The following DAD1 variants were observed in gnomAD, a reference collection of about 807,000 sequenced individuals.
DAD1 encodes defender against cell death 1.
DAD1 carries 4 observed loss-of-function variants against 9.0 expected under a neutral mutation model. The ratio of observed to expected loss-of-function variants is 0.44; its 90% confidence interval spans 0.22 to 1.01. The LOEUF is 1.01. Ranked by LOEUF, DAD1 falls within the 50% of genes least tolerant of loss-of-function variation. The pLI is 0.24. For synonymous variants in DAD1, 60 were observed against 62.5 expected (o/e 0.96, Z 0.19); for missense variants, 119 against 137.3 (o/e 0.87, Z 0.67).
chr14:22,589,149 C>T lies in DAD1; in HGVS notation c.9G>A (p.Ala3=), dbSNP rs778894951. The T allele has an allele frequency of 3.1e-6, 5 of 1,614,080 alleles. No homozygotes were observed. Among genetic ancestry groups the T allele is most frequent in the Admixed American group, 1.7e-5 (1 of 60,006 alleles). ...ACCGCGAAATGACAGACACTACCGA[C>T]GCCGACATAACTGCACGCAAGGTAC... MS[A]SVVSVISRFL... Residue 3 remains alanine, a synonymous_variant, in exon 1 of 3, where the codon GCG becomes GCA. Transcript: ENST00000250498.
At chr14:22,570,290 G>T (rs2037029804) in intron 2 of DAD1, among the ~76,000 whole-genome samples, 1 of 152,118 alleles carries the variant, frequency 6.6e-6, no homozygotes, top group Non-Finnish European at 1.5e-5. Flanking sequence ...GAAACCTGCG[G>T]GTCTATGTGC....
intron 1 of DAD1, 53 bp downstream of exon 1, chr14:22,588,881 CTATGAAAACAAAA>C (rs2037172183): frequency 1.9e-5 from 29 of 1,524,222 alleles, no homozygotes; most frequent in Middle Eastern, 1.8e-4. Flanking sequence ...ATATAGAGTA[CTATGAAAACAAAA>C]GCAGCACACC....
intron 2 of DAD1, 131 bp from the exon 3 acceptor site, chr14:22,565,268 G>T: frequency 1.8e-6 from 1 of 561,036 alleles, no homozygotes; most frequent in South Asian, 2.2e-5. Context: ...TAAACCAGGC[G>T]AGAAAAACTA....
At chr14:22,570,338 C>G (rs899166774) in intron 2 of DAD1, among the ~76,000 whole-genome samples, 23 of 152,126 alleles carry the variant, frequency 1.5e-4, no homozygotes, top group African/African-American at 5.6e-4. Flanking sequence ...AAATCTAGGG[C>G]CACTTTAGGG....
chr14:22,575,628 A>G (rs1452063889), intron 1 of DAD1, among the ~76,000 whole-genome samples: 1 of 152,154 alleles, frequency 6.6e-6, no homozygotes, highest in Non-Finnish European at 1.5e-5. Context: ...GCTCACTGCA[A>G]TCTCCACCTG....
chr14:22,578,754 T>C (rs751108658), intron 1 of DAD1, among the ~76,000 whole-genome samples: 14 of 152,278 alleles, frequency 9.2e-5, no homozygotes, highest in Middle Eastern at 6.8e-3. Context: ...GTTAGACAGG[T>C]ACATTTAAAA....
rs574879820 is a variant in DAD1 at position 22,568,081 on chromosome 14, A to C, written c.*45-2944T>G. 5.3e-5 allele frequency among the ~76,000 whole-genome samples: 8 copies of C among 152,280 alleles called. 1 individual carries two copies. In the South Asian group the frequency reaches 1.7e-3, roughly 32 times the overall value. On this transcript the variant is annotated intron_variant, in intron 2 of 2. Transcript: ENST00000250498. ...GAGAGTCCTAAACATAACAGGAAGG[A>C]ATATAAAGGTTTAGAGTCCAAATGT...
At chr14:22,581,963 G>A (rs1206516122) in intron 1 of DAD1, among the ~76,000 whole-genome samples, 1 of 151,964 alleles carries the variant, frequency 6.6e-6, no homozygotes, top group East Asian at 1.9e-4. Flanking sequence ...AGCACTTTGG[G>A]AGGCCGAGGT....
chr14:22,582,499 G>T (rs1230380924), intron 1 of DAD1, among the ~76,000 whole-genome samples: 1 of 151,890 alleles, frequency 6.6e-6, no homozygotes, highest in Admixed American at 6.6e-5. Flanking sequence ...ACTCCAGCCT[G>T]GGCAACAGAG....
At chr14:22,575,901 C>G (rs1191573038) in intron 1 of DAD1, among the ~76,000 whole-genome samples, 2 of 152,110 alleles carry the variant, frequency 1.3e-5, no homozygotes, top group Non-Finnish European at 2.9e-5. Flanking sequence ...TGGCAGGTAC[C>G]CAGAGGAAGC....
intron 2 of DAD1, among the ~76,000 whole-genome samples, chr14:22,573,154 T>A (rs5742810): frequency 0.02 from 3,057 of 152,058 alleles, 107 homozygotes; most frequent in African/African-American, 0.07. Context: ...ACTGTACATG[T>A]CTTGAAGGCA....
intron 1 of DAD1, among the ~76,000 whole-genome samples, chr14:22,588,467 G>C (rs1481099281): frequency 6.6e-6 from 1 of 152,196 alleles, no homozygotes; most frequent in Non-Finnish European, 1.5e-5. Context: ...AGTAGTAGCA[G>C]CTAAAAGGCA....
At position 22,588,972 on chromosome 14, in the gene DAD1, A is replaced by G; in HGVS notation, c.186T>C (p.Ser62=). Residue 62 remains serine (S), a synonymous_variant, in exon 1 of 3, where the codon TCT becomes TCC. Transcript: ENST00000250498. ...PFNSFLSGFI[S]CVGSFILAVC... ...CCGCTAGGATGAAACTCCCCACACA[A>G]GAGATGAAGCCCGAGAGAAAAGAGT... is the stretch of plus-strand genomic sequence containing the variant. The G allele has an allele frequency of 6.2e-7, 1 of 1,613,934 alleles. No individual in the cohort carries two copies. The highest frequency in any genetic ancestry group is 8.5e-7 in the Non-Finnish European group (1 of 1,179,782).
At chr14:22,584,189 C>T (rs1019302491) in intron 1 of DAD1, among the ~76,000 whole-genome samples, 1 of 152,090 alleles carries the variant, frequency 6.6e-6, no homozygotes, top group African/African-American at 2.4e-5. Context: ...CACATCATTG[C>T]TCACTATTCC....
At chr14:22,575,709 G>A (rs1262481041) in intron 1 of DAD1, among the ~76,000 whole-genome samples, 3 of 152,074 alleles carry the variant, frequency 2.0e-5, no homozygotes, top group African/African-American at 7.2e-5. Flanking sequence ...CACCATGCCC[G>A]GCTAATTTTT....
intron 1 of DAD1, among the ~76,000 whole-genome samples, chr14:22,585,896 TTTTCC>T (rs1420989534): frequency 6.6e-6 from 1 of 152,186 alleles, no homozygotes; most frequent in African/African-American, 2.4e-5. Flanking sequence ...ATTTTAAATC[TTTTCC>T]TTTCTTTAAA....
At chr14:22,569,472 C>T (rs1365727244) in intron 2 of DAD1, among the ~76,000 whole-genome samples, 2 of 151,700 alleles carry the variant, frequency 1.3e-5, no homozygotes, top group African/African-American at 2.4e-5. Context: ...TACACTCATT[C>T]AACAAACACA....
At chr14:22,574,277 G>A (rs2037062379) in intron 2 of DAD1, among the ~76,000 whole-genome samples, 1 of 152,102 alleles carries the variant, frequency 6.6e-6, no homozygotes, top group Non-Finnish European at 1.5e-5. Flanking sequence ...TAACAGTGTT[G>A]ACATACGGTA....
intron 2 of DAD1, among the ~76,000 whole-genome samples, chr14:22,567,462 CAGACTGTGT>C (rs1487996354): frequency 1.3e-5 from 2 of 152,188 alleles, no homozygotes; most frequent in Non-Finnish European, 2.9e-5. Flanking sequence ...TTAGAAGGCA[CAGACTGTGT>C]ATTTCTAAAA....
Sources: allele counts gnomAD v4.1 joint callset (sites outside exome capture counted in the v4.1 genomes callset), GRCh38; gene constraint gnomAD v4.1.1; transcripts MANE v1.5; gene names NCBI Gene and HGNC (gene_info 2026-07-23, HGNC 2026-07-21).